KLF13: variants seen among roughly 807,000 people sequenced by gnomAD.
KLF13 encodes the protein Krueppel-like factor 13.
Under a neutral mutation model 16.7 loss-of-function variants are expected in KLF13, and 8 were observed. The observed-to-expected ratio is 0.48, with a 90% CI of 0.28 to 0.87. The LOEUF (loss-of-function observed/expected upper bound fraction) is 0.87, where lower values mean the gene tolerates loss of function less well. KLF13 is among the 40% of genes least tolerant of loss of function. The probability of loss-of-function intolerance (pLI) is 0.10; values close to 1 mark genes in which losing one functional copy is unlikely to be tolerated. For synonymous variants in KLF13, 245 were observed against 208.4 expected (o/e 1.18, Z -1.51); for missense variants, 447 against 452.2 (o/e 0.99, Z 0.10).
At chr15:31,356,621 G>A (rs1178077608) in intron 1 of KLF13, among the ~76,000 whole-genome samples, 1 of 152,224 alleles carries the variant, frequency 6.6e-6, no homozygotes, top group African/African-American at 2.4e-5. Context: ...AGAATGGGAG[G>A]CCATTGTTTT....
chr15:31,378,497 C>G (rs954210459), downstream of KLF13, among the ~76,000 whole-genome samples: 10 of 152,162 alleles, frequency 6.6e-5, no homozygotes, highest in Admixed American at 5.9e-4. Flanking sequence ...CCCTGGCTGT[C>G]CCCAGGGCAG....
chr15:31,428,881 T>C (rs1193565254), intron 1 of KLF13, among the ~76,000 whole-genome samples: 3 of 143,220 alleles, frequency 2.1e-5, no homozygotes, highest in East Asian at 2.1e-4. Context: ...CTTGAAGATA[T>C]AGTGGAAGAA....
chr15:31,429,682 C>T (rs1211056372), intron 1 of KLF13, among the ~76,000 whole-genome samples: 1 of 150,920 alleles, frequency 6.6e-6, no homozygotes, highest in Non-Finnish European at 1.5e-5. Context: ...GATCTTAGCA[C>T]AGAGAAAGAT....
chr15:31,366,589 C>G (rs1464499775), intron 1 of KLF13: 2 of 152,396 alleles, frequency 1.3e-5, no homozygotes, highest in African/African-American at 2.4e-5. Flanking sequence ...GTCTGTGTAC[C>G]CCATGCCCGG....
chr15:31,363,896 C>T (rs144744951), intron 1 of KLF13, among the ~76,000 whole-genome samples: 2 of 152,320 alleles, frequency 1.3e-5, no homozygotes, highest in East Asian at 3.9e-4. Context: ...GAATCTTTGA[C>T]CCATTTAGAA....
chr15:31,389,949 C>T (rs2039839277), upstream of KLF13, among the ~76,000 whole-genome samples: 1 of 152,126 alleles, frequency 6.6e-6, no homozygotes, highest in African/African-American at 2.4e-5. Context: ...ACTCATTTTG[C>T]CTTCCCTCAG....
chr15:31,340,879 G>GA (rs549746700), intron 1 of KLF13, among the ~76,000 whole-genome samples: 64 of 152,146 alleles, frequency 4.2e-4, no homozygotes, highest in African/African-American at 1.3e-3. Flanking sequence ...AAAAACAAAA[G>GA]AAAAAAATCT....
chr15:31,328,898 C>A lies in KLF13; in HGVS notation c.577+1109C>A, dbSNP rs536086506. On this transcript the variant is annotated intron_variant, in intron 1 of 1. Coordinates refer to ENST00000307145, the MANE Select transcript of KLF13 (RefSeq NM_015995.4). ...CTACCTTGGGGGCAGGCTCAAAACC[C>A]GTCTACTGAATACTGTTGTCTTGTG... Among the ~76,000 whole-genome samples the A allele has an allele frequency of 3.9e-5, 6 of 152,292 alleles. No individual in the cohort carries two copies. The East Asian group carries it at 1.2e-3, about 29-fold the overall frequency.
In KLF13 at chr15:31,327,329, C is replaced by T. The variant is rs1163143659; in HGVS notation, c.117C>T (p.Ala39=). 1.6e-6 allele frequency: 2 copies of T among 1,279,504 alleles called. No homozygotes were observed. The highest frequency in any genetic ancestry group is 2.0e-6 in the Non-Finnish European group (2 of 1,017,068). The allele number at this position is 1,279,504 out of a possible 1,614,324, so 79.3% of individuals were successfully genotyped here. The change falls in exon 1 of 2, where the codon GCC becomes GCT. Residue 39 remains alanine (A), a synonymous_variant. Transcript: ENST00000307145. ...CGGAGTCCCGGCCCGAGGGCGCGGC[C>T]GTGGCCGCCACCCCCACGCTGCCCC... ...EGPESRPEGA[A]VAATPTLPRV... is the part of the protein sequence containing the mutation.
chr15:31,397,441 T>G (rs897535146), intron 2 of KLF13, among the ~76,000 whole-genome samples: 1 of 152,196 alleles, frequency 6.6e-6, no homozygotes, highest in African/African-American at 2.4e-5. Flanking sequence ...GACGCGCACT[T>G]GCAAAGGCTG....
upstream of KLF13, among the ~76,000 whole-genome samples, chr15:31,390,205 GC>G (rs1476463248): frequency 6.6e-6 from 1 of 152,132 alleles, no homozygotes; most frequent in African/African-American, 2.4e-5. Flanking sequence ...TGGGAGCACA[GC>G]CCCGGACTCC....
downstream of KLF13, among the ~76,000 whole-genome samples, chr15:31,380,976 A>C (rs1362321594): frequency 6.6e-6 from 1 of 152,224 alleles, no homozygotes; most frequent in Non-Finnish European, 1.5e-5. Flanking sequence ...GTTTGAGACC[A>C]GCCTGGCTAA....
chr15:31,358,873 C>T (rs1300245929), intron 1 of KLF13, among the ~76,000 whole-genome samples: 1 of 152,218 alleles, frequency 6.6e-6, no homozygotes, highest in Non-Finnish European at 1.5e-5. Context: ...GTTAACCGCA[C>T]ACTGGCTCCT....
In KLF13 at chr15:31,347,277, G is replaced by T. The variant is rs565822468; in HGVS notation, c.577+19488G>T. Among the ~76,000 whole-genome samples the T allele has an allele frequency of 1.4e-4, 22 of 152,280 alleles. No individual in the cohort carries two copies. In the South Asian group the frequency reaches 4.1e-3, roughly 29 times the overall value. The stretch of plus-strand genomic sequence containing the variant: ...CCAGCTTCTCTGCTGAGCCCCACTG[G>T]GACAGCACACCTCAGGAAGAGGCCG... On this transcript the variant is annotated intron_variant, in intron 1 of 1. Coordinates refer to ENST00000307145, the MANE Select transcript of KLF13 (RefSeq NM_015995.4).
chr15:31,340,539 C>G (rs139608432), intron 1 of KLF13, among the ~76,000 whole-genome samples: 1 of 152,248 alleles, frequency 6.6e-6, no homozygotes, highest in Non-Finnish European at 1.5e-5. Flanking sequence ...ACATCACCCC[C>G]TTCAAAGATG....
At chr15:31,399,365 A>G (rs1219915731) in intron 2 of KLF13, among the ~76,000 whole-genome samples, 2 of 152,142 alleles carry the variant, frequency 1.3e-5, no homozygotes, top group Non-Finnish European at 2.9e-5. Context: ...GGGTTTCATC[A>G]TGTTGGGCAG....
downstream of KLF13, among the ~76,000 whole-genome samples, chr15:31,405,002 AT>A (rs2140996206): frequency 6.6e-6 from 1 of 152,328 alleles, no homozygotes; most frequent in East Asian, 1.9e-4. Flanking sequence ...TTGTAGTAGG[AT>A]AAAACCAATG....
At position 31,350,687 on chromosome 15, in the gene KLF13, A is replaced by G. The variant is rs367767498; in HGVS notation, c.578-21323A>G. On this transcript the variant is annotated intron_variant, in intron 1 of 1. Coordinates refer to ENST00000307145, the MANE Select transcript of KLF13 (RefSeq NM_015995.4). ...GGTGAAGTCTGGGACTTGCACAAGC[A>G]CTGGCTCTTTGGCTCAGCTTTCAGA... Among the ~76,000 whole-genome samples the G allele has an allele frequency of 8.5e-5, 13 of 152,360 alleles. 1 individual carries two copies. Among genetic ancestry groups the G allele is most frequent in the Admixed American group, 5.9e-4 (9 of 15,312 alleles).
At chr15:31,416,352 A>G (rs1360389019) in intron 1 of KLF13, among the ~76,000 whole-genome samples, 1 of 152,166 alleles carries the variant, frequency 6.6e-6, no homozygotes, top group Non-Finnish European at 1.5e-5. Flanking sequence ...CAAGAAAACT[A>G]CAGAGCAATA....
Sources: gnomAD v4.1 joint callset for allele counts (sites outside exome capture counted in the v4.1 genomes callset) on GRCh38, gnomAD v4.1.1 for gene constraint, MANE v1.5 for transcripts, NCBI Gene and HGNC (gene_info 2026-07-23, HGNC 2026-07-21) for gene names.